The following CARD10 variants were observed in gnomAD, a reference collection of about 807,000 sequenced individuals.
CARD10 encodes the protein caspase recruitment domain family member 10.
Under a neutral mutation model 114.6 loss-of-function variants are expected in CARD10, and 49 were observed. That is an observed-to-expected ratio of 0.43 (90% CI 0.34 to 0.54). The LOEUF (loss-of-function observed/expected upper bound fraction) is 0.54. Among genes scored for constraint, CARD10 ranks in the 20% least tolerant of loss-of-function variants. The probability of loss-of-function intolerance (pLI) is 0.03; values close to 1 mark genes in which losing one functional copy is unlikely to be tolerated. For synonymous variants in CARD10, 602 were observed against 593.2 expected (o/e 1.01, Z -0.21); for missense variants, 1,206 against 1,397.2 (o/e 0.86, Z 2.18).
chr22:37,495,432 G>A, intron 15 of CARD10, 85 bp downstream of exon 15: 1 of 1,051,894 alleles, frequency 9.5e-7, no homozygotes, highest in Non-Finnish European at 1.4e-6. Flanking sequence ...TGTCTTCCTA[G>A]GTTGCCAGAG....
chr22:37,511,774 T>C (rs1923660843), intron 3 of CARD10: 1 of 152,188 alleles, frequency 6.6e-6, no homozygotes. Flanking sequence ...TCAGACTTGG[T>C]CTGGTCCACC....
chr22:37,495,191 C>T (rs182003123), intron 15 of CARD10, among the ~76,000 whole-genome samples: 1 of 152,214 alleles, frequency 6.6e-6, no homozygotes, highest in East Asian at 1.9e-4. Flanking sequence ...TGGTCTCGAT[C>T]TCCTGACCTT....
chr22:37,511,235 T>C (rs1923629468), intron 3 of CARD10, among the ~76,000 whole-genome samples: 3 of 150,610 alleles, frequency 2.0e-5, no homozygotes, highest in Admixed American at 1.3e-4. Flanking sequence ...TGCGCGCCTA[T>C]TATCCCAGCT....
chr22:37,493,986 TC>T lies in CARD10; in HGVS notation c.2476+99del. 4.5e-6 allele frequency: 4 copies of T among 896,562 alleles called. No individual in the cohort carries two copies. The South Asian group carries it at 5.6e-5, about 13-fold the overall frequency. The allele number at this position is 896,562 out of a possible 1,614,324, so 55.5% of individuals were successfully genotyped here. A position where few individuals can be genotyped will look rare whatever the true frequency, so the allele number is the denominator to read the frequency against. ...TGTTGGAACCCTCACAACAGGCCCT[TC>T]CAGGCCAAAGAGGCCACCCAAGCTA... On this transcript the variant is annotated intron_variant, in intron 16 of 19. Transcript: ENST00000251973.
At chr22:37,497,272 A>AGTAT in intron 11 of CARD10, 94 bp from the exon 12 acceptor site, 2 of 1,361,948 alleles carry the variant, frequency 1.5e-6, no homozygotes, top group Non-Finnish European at 2.0e-6. Context: ...TCATTTCCCA[A>AGTAT]GTATGCCATG....
chr22:37,506,100 C>T lies in CARD10; in HGVS notation c.1383+92G>A, dbSNP rs1056646792. The T allele has an allele frequency of 7.7e-6, 8 of 1,040,912 alleles. No individual in the cohort carries two copies. In the Admixed American group the frequency reaches 1.9e-4, roughly 24 times the overall value. The allele number at this position is 1,040,912 out of a possible 1,614,324, so 64.5% of individuals were successfully genotyped here. ...GCTTCCTCCCCTGGCTGAGGTCTCC[C>T]ACCAGGGCCGGCACGTTCCCAGCCC... On this transcript the variant is annotated intron_variant, in intron 7 of 19. Transcript: ENST00000251973.
chr22:37,491,095 AGCTT>A lies in CARD10; in HGVS notation c.*60_*63del, dbSNP rs1261282679. On this transcript the variant is annotated 3_prime_UTR_variant, in exon 20 of 20. Transcript: ENST00000251973. The stretch of plus-strand genomic sequence containing the variant: ...AGGAAGGCTCAGGGTGGGAGGGCCC[AGCTT>A]CACCATAGACACCAGGGTCCACGCT... The A allele has an allele frequency of 3.0e-6, 4 of 1,335,280 alleles. No individual in the cohort carries two copies. The African/African-American group carries it at 5.8e-5, about 19-fold the overall frequency. The allele number at this position is 1,335,280 out of a possible 1,614,324, so 82.7% of individuals were successfully genotyped here. A position where few individuals can be genotyped will look rare whatever the true frequency, so the allele number is the denominator to read the frequency against.
chr22:37,519,399 C>G lies in CARD10; in HGVS notation c.-199G>C. 1.7e-6 allele frequency: 2 copies of G among 1,194,796 alleles called. No individual in the cohort carries two copies. Among genetic ancestry groups the G allele is most frequent in the Non-Finnish European group, 2.1e-6 (2 of 964,558 alleles). 74.0% of individuals were successfully genotyped at this position (1,194,796 alleles called of 1,614,324 possible). A position where few individuals can be genotyped will look rare whatever the true frequency, so the allele number is the denominator to read the frequency against. On this transcript the variant is annotated 5_prime_UTR_variant, in exon 1 of 20. Coordinates refer to ENST00000251973, the MANE Select transcript of CARD10 (RefSeq NM_014550.4). This position sits in a 1 kb window ranked among gnomAD's most constrained non-coding sequence, Gnocchi z 4.1. ...GTCCGCACTCGGGCGGCGGCTCCGC[C>G]GGCGCAGGGGGGCGGTGCCCGTGGC... is the stretch of plus-strand genomic sequence containing the variant.
intron 11 of CARD10, among the ~76,000 whole-genome samples, chr22:37,497,802 C>G (rs1009854394): frequency 1.3e-5 from 2 of 149,948 alleles, no homozygotes; most frequent in Non-Finnish European, 3.0e-5. Context: ...TGCAGTGAGC[C>G]GAGATCGAGC....
In CARD10 at chr22:37,504,764, A is replaced by G. The variant is rs3817806; in HGVS notation, c.1389T>C (p.Cys463=). 105,010 of 1,531,270 alleles carry G rather than the reference A, an allele frequency of 0.069. 5,002 individuals carry two copies. Among genetic ancestry groups the G allele is most frequent in the South Asian group, 0.22 (17,595 of 78,242 alleles). 94.9% of individuals were successfully genotyped at this position (1,531,270 alleles called of 1,614,324 possible). A position where few individuals can be genotyped will look rare whatever the true frequency, so the allele number is the denominator to read the frequency against. ...TGGAGCACAGGGAATGGGAGGAGGC[A>G]CAGGCCTGGAAGAGGGAGAGGAGAG... is the stretch of plus-strand genomic sequence containing the variant. The part of the protein sequence containing the change: ...RAQGGTCLKA[C]ASSHSLCSNL... Residue 463 remains cysteine, a synonymous_variant, in exon 8 of 20, where the codon TGT becomes TGC. Transcript: ENST00000251973.
At chr22:37,494,971 T>C (rs1922941767) in intron 15 of CARD10, among the ~76,000 whole-genome samples, 1 of 134,372 alleles carries the variant, frequency 7.4e-6, no homozygotes, top group South Asian at 2.1e-4. Context: ...TTTTTTTTGT[T>C]TTTTTTTTTG....
Position 37,504,759 on chromosome 22 carries a change from G to C in CARD10, c.1394C>G (p.Ser465Cys). The C allele has an allele frequency of 1.5e-5, 24 of 1,548,930 alleles. No homozygotes were observed. Among genetic ancestry groups the C allele is most frequent in the Non-Finnish European group, 2.1e-5 (24 of 1,149,670 alleles). ...GAGGTTGGAGCACAGGGAATGGGAG[G>C]AGGCACAGGCCTGGAAGAGGGAGAG... is the stretch of plus-strand genomic sequence containing the variant. The part of the protein sequence containing the change: ...QGGTCLKACA[S>C]SHSLCSNLSS... Residue 465 changes from serine to cysteine, a missense_variant, in exon 8 of 20, where the codon TCC becomes TGC. Physicochemically the swap from Ser to Cys is moderately radical, Grantham distance 112. This residue lies in a region of CARD10 where 1,068 missense variants were observed against 1,179.1 expected (regional missense o/e 0.91). Transcript: ENST00000251973.
chr22:37,502,548 G>A, intron 11 of CARD10, 54 bp downstream of exon 11: 1 of 1,582,284 alleles, frequency 6.3e-7, no homozygotes, highest in Non-Finnish European at 8.6e-7. Context: ...CCTCACTCCT[G>A]TTCCCCTCTC....
intron 19 of CARD10, 73 bp from the exon 20 acceptor site, chr22:37,491,466 G>C (rs1458527885): frequency 9.1e-7 from 1 of 1,096,616 alleles, no homozygotes; most frequent in Non-Finnish European, 1.3e-6. Flanking sequence ...GAGAGGGACA[G>C]ACAAAGGGGG....
At position 37,518,048 on chromosome 22, in the gene CARD10, G is replaced by A. The variant is rs145415023; in HGVS notation, c.296C>T (p.Ala99Val). ...GTGTTCGGGGTAGTAGAACTCCAGG[G>A]CTTCCAGGAAGGCCTCATAGCCCCT... ...GKRGYEAFLE[A>V]LEFYYPEHFT... is the part of the protein sequence containing the mutation. Residue 99 changes from alanine (A) to valine (V), a missense_variant, in exon 2 of 20, where the codon GCC becomes GTC. Ala to Val is a moderately conservative substitution (Grantham distance 64, BLOSUM62 0). Transcript: ENST00000251973. 1.9e-6 allele frequency: 3 copies of A among 1,613,984 alleles called. No homozygotes were observed. Among genetic ancestry groups the A allele is most frequent in the Non-Finnish European group, 2.5e-6 (3 of 1,179,926 alleles).
At chr22:37,517,253 G>C (rs1395611798) in intron 2 of CARD10, among the ~76,000 whole-genome samples, 2 of 152,186 alleles carry the variant, frequency 1.3e-5, no homozygotes. Flanking sequence ...TGTAACAGAG[G>C]TGAAAGAATC....
In CARD10 at chr22:37,499,334, T is replaced by C. The variant is rs143240170; in HGVS notation, c.1788-2156A>G. Among the ~76,000 whole-genome samples, 595 of 152,228 alleles carry C rather than the reference T, an allele frequency of 3.9e-3. 5 individuals are homozygous for C. Among genetic ancestry groups the C allele is most frequent in the African/African-American group, 0.014 (566 of 41,526 alleles). On this transcript the variant is annotated intron_variant, in intron 11 of 19. Transcript: ENST00000251973. Reference sequence around the variant, plus strand: ...ACAGGGCCCAGGAGACACTAAGTGCTCTGTCAAAACTAGACATTTACTGGC... The same window carrying C: ...ACAGGGCCCAGGAGACACTAAGTGCCCTGTCAAAACTAGACATTTACTGGC...
Position 37,496,646 on chromosome 22 carries a change from G to T in CARD10, c.1948-86C>A. Reference sequence around the variant, plus strand: ...GGGCTGGAGGAAGACCAGGTGTGGGGGTGTTTCATGCCTCACAGTTCAGAT... The same window carrying T: ...GGGCTGGAGGAAGACCAGGTGTGGGTGTGTTTCATGCCTCACAGTTCAGAT... On this transcript the variant is annotated intron_variant, in intron 12 of 19. Coordinates refer to ENST00000251973, the MANE Select transcript of CARD10 (RefSeq NM_014550.4). This position sits in a 1 kb window ranked among gnomAD's most constrained non-coding sequence, Gnocchi z 4.1. 1 of 927,036 alleles carries T rather than the reference G, an allele frequency of 1.1e-6. No individual in the cohort carries two copies. The highest frequency in any genetic ancestry group is 2.6e-5 in the East Asian group (1 of 39,112). The allele number at this position is 927,036 out of a possible 1,614,324, so 57.4% of individuals were successfully genotyped here.
At chr22:37,506,467 G>A (rs1188765384) in intron 6 of CARD10, 84 bp from the exon 7 acceptor site, 49 of 1,048,692 alleles carry the variant, frequency 4.7e-5, no homozygotes, top group Non-Finnish European at 6.5e-5. Flanking sequence ...AATGGGGACA[G>A]TAAGGAGAAT....
Sources: gnomAD v4.1 joint callset for allele counts (sites outside exome capture counted in the v4.1 genomes callset) on GRCh38, gnomAD v4.1.1 for gene constraint, gnomAD v4.1.1 regional missense constraint, Gnocchi (gnomAD v3.1) non-coding constraint, MANE v1.5 for transcripts, NCBI Gene and HGNC (gene_info 2026-07-23, HGNC 2026-07-21) for gene names.